The following ABLIM1 variants were observed in gnomAD, a reference collection of about 807,000 sequenced individuals.
ABLIM1 encodes actin-binding LIM protein 1.
A neutral mutation model predicts 107.0 loss-of-function variants in ABLIM1; 40 were observed. The observed-to-expected ratio is 0.37, with a 90% CI of 0.29 to 0.49. ABLIM1 has a LOEUF of 0.49. ABLIM1 is among the 20% of genes least tolerant of loss of function. The pLI is 0.97. For missense variants in ABLIM1, 857 were observed against 1,008.5 expected, an observed-to-expected ratio of 0.85 and a Z score of 2.04; for synonymous variants, 357 against 357.3, an observed-to-expected ratio of 1.00 and a Z score of 0.01.
chr10:114,564,647 C>G (rs1014589918), intron 4 of ABLIM1, among the ~76,000 whole-genome samples: 1 of 152,118 alleles, frequency 6.6e-6, no homozygotes, highest in Non-Finnish European at 1.5e-5. Flanking sequence ...GTCATCATAA[C>G]AACTCTTTGA....
intron 1 of ABLIM1, among the ~76,000 whole-genome samples, chr10:114,692,394 G>A (rs1269640056): frequency 6.6e-6 from 1 of 152,218 alleles, no homozygotes; most frequent in Non-Finnish European, 1.5e-5. Flanking sequence ...CGTCAGCAAA[G>A]GAAGATAGGC....
chr10:114,767,448 C>T (rs924521998), intron 1 of ABLIM1, among the ~76,000 whole-genome samples: 11 of 152,160 alleles, frequency 7.2e-5, no homozygotes, highest in Non-Finnish European at 1.2e-4. Context: ...TCGTCGCTGG[C>T]TCCAGATGGC....
chr10:114,439,217 T>C lies in ABLIM1; in HGVS notation c.2101A>G (p.Met701Val). The C allele has an allele frequency of 6.2e-7, 1 of 1,614,242 alleles. No homozygotes were observed. The highest frequency in any genetic ancestry group is 2.2e-5 in the East Asian group (1 of 44,882). Residue 701 changes from methionine (M) to valine (V), a missense_variant, in exon 21 of 23, where the codon ATG (methionine) becomes GTG (valine). Physicochemically the swap from Met to Val is conservative, Grantham distance 21. This residue lies in a region of ABLIM1 where 193 missense variants were observed against 208.5 expected (regional missense o/e 0.93). Transcript: ENST00000533213. ...LPDGHMPAMR[M>V]DRGVSMPNML... is the part of the protein sequence containing the mutation. ...TTGGGCATAGACACTCCTCGGTCCA[T>C]TCTCATTGCAGGCATGTGGCCATCT...
chr10:114,789,248 C>T, the ABLIM1 span, among the ~76,000 whole-genome samples: 4 of 151,896 alleles, frequency 2.6e-5, no homozygotes, highest in African/African-American at 9.7e-5. Context: ...GAACAAGACT[C>T]CGTCTCAAAA....
At chr10:114,441,628 CAA>C (rs1307517971) in intron 18 of ABLIM1, 92 bp downstream of exon 18, 7 of 1,205,718 alleles carry the variant, frequency 5.8e-6, no homozygotes, top group Non-Finnish European at 8.6e-6. Flanking sequence ...ACACTGAGAT[CAA>C]GAGTCAGACG....
chr10:114,518,269 T>C (rs1311933411), intron 6 of ABLIM1, among the ~76,000 whole-genome samples: 1 of 152,116 alleles, frequency 6.6e-6, no homozygotes, highest in African/African-American at 2.4e-5. Context: ...CCAGTGACAC[T>C]ATAGACCCAA....
At chr10:114,472,525 C>T (rs1289159377) in intron 10 of ABLIM1, among the ~76,000 whole-genome samples, 3 of 152,112 alleles carry the variant, frequency 2.0e-5, no homozygotes, top group South Asian at 4.2e-4. Context: ...TTGCCCCATG[C>T]GCTCTACTTT....
intron 1 of ABLIM1, among the ~76,000 whole-genome samples, chr10:114,634,134 T>TTTTTTTTC (rs2078347290): frequency 1.1e-5 from 1 of 91,054 alleles, no homozygotes; most frequent in African/African-American, 4.5e-5. Flanking sequence ...TTTTTCTTTT[T>TTTTTTTTC]TTTTTTTTTT....
chr10:114,458,094 CTGTG>C lies in ABLIM1; in HGVS notation c.1442-4615_1442-4612del, dbSNP rs35469132. 4.2e-3 allele frequency among the ~76,000 whole-genome samples: 625 copies of C among 149,470 alleles called. 1 individual carries two copies. Among genetic ancestry groups the C allele is most frequent in the African/African-American group, 5.4e-3 (218 of 40,668 alleles). On this transcript the variant is annotated intron_variant, in intron 12 of 22. Coordinates refer to ENST00000533213, the MANE Select transcript of ABLIM1 (RefSeq NM_002313.7). ...CCTCAAAACAAAAAACAAAACTACT[CTGTG>C]TGTGTGTGTGTGTGTGTGCGCACAT...
At chr10:114,482,240 G>A (rs899023143) in intron 8 of ABLIM1, among the ~76,000 whole-genome samples, 4 of 152,138 alleles carry the variant, frequency 2.6e-5, no homozygotes, top group Non-Finnish European at 4.4e-5. Flanking sequence ...ACCAGAATAC[G>A]TTTTTCTTAG....
chr10:114,444,093 C>T lies in ABLIM1; in HGVS notation c.1869G>A (p.Met623Ile). ...GLGQLILKEEMEKESRERSSL... is the reference protein window; with the variant it reads ...GLGQLILKEEIEKESRERSSL... ...ATGACCTTTCCCGGCTCTCTTTCTCCATCTCTTCTTTCAAGATCAACTGTC... is the reference window on the plus strand; with the variant it reads ...ATGACCTTTCCCGGCTCTCTTTCTCTATCTCTTCTTTCAAGATCAACTGTC... The change falls in exon 17 of 23, where the codon ATG (methionine) becomes ATA (isoleucine). Residue 623 changes from methionine (M) to isoleucine (I), a missense_variant. This residue lies in a region of ABLIM1 where 193 missense variants were observed against 208.5 expected (regional missense o/e 0.93). Transcript: ENST00000533213. 6.2e-7 allele frequency: 1 copy of T among 1,612,048 alleles called. No homozygotes were observed. Among genetic ancestry groups the T allele is most frequent in the Non-Finnish European group, 8.5e-7 (1 of 1,179,366 alleles).
At chr10:114,723,340 G>C (rs2081890611) in intron 1 of ABLIM1, among the ~76,000 whole-genome samples, 1 of 152,172 alleles carries the variant, frequency 6.6e-6, no homozygotes, top group Non-Finnish European at 1.5e-5. Flanking sequence ...CAGGTTATCT[G>C]AGAGAGGAAT....
chr10:114,438,021 C>T, intron 21 of ABLIM1, 97 bp from the exon 22 acceptor site: 1 of 1,158,968 alleles, frequency 8.6e-7, no homozygotes, highest in Non-Finnish European at 1.3e-6. Context: ...ATAGAGCTTC[C>T]AAGAGACTGT....
At chr10:114,736,459 A>C (rs961849071) in intron 1 of ABLIM1, among the ~76,000 whole-genome samples, 5 of 152,212 alleles carry the variant, frequency 3.3e-5, no homozygotes, top group Non-Finnish European at 7.3e-5. Context: ...TCCCTACTTA[A>C]AAAGCAATAA....
chr10:114,455,836 G>T (rs1047046592), intron 12 of ABLIM1, among the ~76,000 whole-genome samples: 1 of 144,916 alleles, frequency 6.9e-6, no homozygotes. Flanking sequence ...TTTTTGAGAC[G>T]GAGTCTCGCT....
intron 1 of ABLIM1, among the ~76,000 whole-genome samples, chr10:114,667,416 G>A (rs187503979): frequency 6.6e-6 from 1 of 152,192 alleles, no homozygotes; most frequent in African/African-American, 2.4e-5. Flanking sequence ...ATATTATTTT[G>A]TTTATTCCTA....
At chr10:114,513,971 T>C (rs1469979150) in intron 6 of ABLIM1, among the ~76,000 whole-genome samples, 1 of 152,198 alleles carries the variant, frequency 6.6e-6, no homozygotes, top group Non-Finnish European at 1.5e-5. Flanking sequence ...ACTCAATGAC[T>C]ATACTCAAGG....
the ABLIM1 span, among the ~76,000 whole-genome samples, chr10:114,784,452 G>A: frequency 6.6e-6 from 1 of 151,704 alleles, no homozygotes; most frequent in Non-Finnish European, 1.5e-5. Flanking sequence ...ATCACTTGAG[G>A]TCAGGAGTTC....
chr10:114,563,024 C>T (rs1178329368), intron 4 of ABLIM1, among the ~76,000 whole-genome samples: 1 of 152,104 alleles, frequency 6.6e-6, no homozygotes, highest in Non-Finnish European at 1.5e-5. Flanking sequence ...GCCAAGCAAC[C>T]CAAGTAAATT....
Sources: allele counts gnomAD v4.1 joint callset (sites outside exome capture counted in the v4.1 genomes callset), GRCh38; gene constraint gnomAD v4.1.1; regional missense constraint gnomAD v4.1.1; transcripts MANE v1.5; gene names NCBI Gene and HGNC (gene_info 2026-07-23, HGNC 2026-07-21).